IKZF2: variants seen among roughly 807,000 people sequenced by gnomAD.
IKZF2 encodes zinc finger protein Helios.
In IKZF2, 15 loss-of-function variants were observed where a neutral mutation model predicts 49.2. That is an observed-to-expected ratio of 0.30 (90% CI 0.20 to 0.47). IKZF2 has a LOEUF of 0.47. IKZF2 is among the 20% of genes least tolerant of loss of function. IKZF2 has a pLI of 1.00. For missense variants in IKZF2, 567 were observed against 664.6 expected (o/e 0.85, Z 1.61); for synonymous variants, 227 against 221.4 (o/e 1.03, Z -0.23).
intron 4 of IKZF2, among the ~76,000 whole-genome samples, chr2:213,146,931 G>A (rs2061093958): frequency 1.3e-5 from 2 of 151,856 alleles, no homozygotes; most frequent in South Asian, 4.2e-4. Context: ...TTGAGTAAGA[G>A]TAATAAAGCA....
intron 4 of IKZF2, among the ~76,000 whole-genome samples, chr2:213,134,500 T>A (rs2060585798): frequency 6.6e-6 from 1 of 152,218 alleles, no homozygotes; most frequent in Non-Finnish European, 1.5e-5. Context: ...TAGTCCAAGA[T>A]GGCCACTGAT....
chr2:213,029,688 C>T (rs1698198566), intron 6 of IKZF2, among the ~76,000 whole-genome samples: 5 of 152,008 alleles, frequency 3.3e-5, no homozygotes, highest in Admixed American at 3.3e-4. Flanking sequence ...AAACAAAACC[C>T]TGTTTTGGGT....
chr2:213,039,016 TA>T (rs1406987034), intron 6 of IKZF2, among the ~76,000 whole-genome samples: 1 of 152,150 alleles, frequency 6.6e-6, no homozygotes, highest in East Asian at 1.9e-4. Flanking sequence ...TTTTTTTTTT[TA>T]TTTTTAAGAA....
intron 4 of IKZF2, among the ~76,000 whole-genome samples, chr2:213,084,546 G>A (rs574120062): frequency 8.6e-5 from 13 of 151,272 alleles, no homozygotes; most frequent in African/African-American, 2.4e-4. Context: ...TCTACAAAAA[G>A]GTTTCTGAAA....
chr2:213,048,882 C>A (rs184682474), intron 6 of IKZF2, among the ~76,000 whole-genome samples: 2 of 152,020 alleles, frequency 1.3e-5, no homozygotes, highest in East Asian at 3.9e-4. Context: ...TCCATCATAT[C>A]TTCATATTAA....
At chr2:213,072,385 C>A (rs1702806829) in intron 4 of IKZF2, among the ~76,000 whole-genome samples, 1 of 151,088 alleles carries the variant, frequency 6.6e-6, no homozygotes, top group South Asian at 2.1e-4. Flanking sequence ...TTGTCGCCAG[C>A]AAATATATTG....
chr2:213,029,796 AC>A (rs1462737468), intron 6 of IKZF2, among the ~76,000 whole-genome samples: 1 of 152,112 alleles, frequency 6.6e-6, no homozygotes, highest in Non-Finnish European at 1.5e-5. Context: ...ATAAAATGAA[AC>A]TTTTCAGTAT....
chr2:213,001,420 A>G lies in IKZF2; in HGVS notation c.*5940T>C, dbSNP rs927409056. 2.0e-5 allele frequency: 3 copies of G among 151,986 alleles called. No homozygotes were observed. Among genetic ancestry groups the G allele is most frequent in the African/African-American group, 7.2e-5 (3 of 41,414 alleles). 9.4% of individuals were successfully genotyped at this position (151,986 alleles called of 1,614,324 possible). A position where few individuals can be genotyped will look rare whatever the true frequency, so the allele number is the denominator to read the frequency against. On this transcript the variant is annotated 3_prime_UTR_variant, in exon 9 of 9. Coordinates refer to ENST00000434687, the MANE Select transcript of IKZF2 (RefSeq NM_001387220.1). Reference sequence around the variant, plus strand: ...CCAAATCAGAATGTAAAATCCAACAATAAAGGAAAGCAAACATACTATAAT... The same window carrying G: ...CCAAATCAGAATGTAAAATCCAACAGTAAAGGAAAGCAAACATACTATAAT...
chr2:213,055,294 G>A (rs1038915651), intron 5 of IKZF2, among the ~76,000 whole-genome samples: 1 of 151,950 alleles, frequency 6.6e-6, no homozygotes, highest in Non-Finnish European at 1.5e-5. Context: ...GTTCATGAGC[G>A]TAGATGAAAA....
intron 4 of IKZF2, among the ~76,000 whole-genome samples, chr2:213,123,759 G>T (rs954861240): frequency 6.6e-6 from 1 of 152,006 alleles, no homozygotes; most frequent in African/African-American, 2.4e-5. Flanking sequence ...GGTGGAAAAA[G>T]ACATAATATA....
intron 4 of IKZF2, among the ~76,000 whole-genome samples, chr2:213,065,828 G>GA (rs536665255): frequency 5.9e-5 from 9 of 151,458 alleles, no homozygotes; most frequent in Admixed American, 2.0e-4. Context: ...TAATAGTAAA[G>GA]AAAAAAAACA....
intron 4 of IKZF2, among the ~76,000 whole-genome samples, chr2:213,084,191 C>A (rs1574781899): frequency 6.6e-6 from 1 of 152,150 alleles, no homozygotes; most frequent in Non-Finnish European, 1.5e-5. Context: ...CATCCCAAAC[C>A]TGTCACTTAC....
intron 6 of IKZF2, among the ~76,000 whole-genome samples, chr2:213,031,781 T>C (rs535224054): frequency 1.1e-3 from 163 of 152,338 alleles, no homozygotes; most frequent in Non-Finnish European, 1.8e-3. Context: ...TAAATGGAAG[T>C]AGATGCTTAA....
intron 4 of IKZF2, among the ~76,000 whole-genome samples, chr2:213,064,807 A>G (rs1335279725): frequency 1.3e-5 from 2 of 151,966 alleles, no homozygotes; most frequent in Non-Finnish European, 2.9e-5. Context: ...ACCTGGAACA[A>G]TATCAGAAAC....
intron 4 of IKZF2, among the ~76,000 whole-genome samples, chr2:213,122,781 A>T (rs1385340445): frequency 6.6e-6 from 1 of 152,254 alleles, no homozygotes; most frequent in Non-Finnish European, 1.5e-5. Flanking sequence ...AGCCTAGATA[A>T]TCAAAAGAAA....
chr2:213,097,935 C>A (rs1450096220), intron 4 of IKZF2: 4 of 292,432 alleles, frequency 1.4e-5, no homozygotes, highest in Admixed American at 8.0e-5. Context: ...AAGGACACTT[C>A]TAATTCTATA....
intron 4 of IKZF2, among the ~76,000 whole-genome samples, chr2:213,072,711 G>T (rs931409478): frequency 1.3e-5 from 2 of 152,014 alleles, no homozygotes; most frequent in Admixed American, 6.6e-5. Flanking sequence ...TGCATATTAG[G>T]TACATTAAAC....
At chr2:213,099,444 GATC>G (rs540210588) in intron 4 of IKZF2, among the ~76,000 whole-genome samples, 166 of 152,138 alleles carry the variant, frequency 1.1e-3, no homozygotes, top group Non-Finnish European at 1.8e-3. Flanking sequence ...AAATTTTTGT[GATC>G]ATCAACAATT....
intron 4 of IKZF2, among the ~76,000 whole-genome samples, chr2:213,067,176 A>G (rs998063557): frequency 3.9e-5 from 6 of 152,276 alleles, no homozygotes; most frequent in African/African-American, 1.4e-4. Context: ...TGTCCTGAGT[A>G]TTAAATAAAA....
Sources: allele counts gnomAD v4.1 joint callset (sites outside exome capture counted in the v4.1 genomes callset), GRCh38; gene constraint gnomAD v4.1.1; transcripts MANE v1.5; gene names NCBI Gene and HGNC (gene_info 2026-07-23, HGNC 2026-07-21).